KANK4: variants seen among roughly 807,000 people sequenced by gnomAD.
KANK4 encodes the protein KN motif and ankyrin repeat domains 4, also known as KN motif and ankyrin repeat domain-containing protein 4.
Under a neutral mutation model 80.8 loss-of-function variants are expected in KANK4, and 50 were observed. The observed-to-expected ratio is 0.62, with a 90% confidence interval of 0.49 to 0.78. KANK4 has a LOEUF of 0.78. Ranked by LOEUF, KANK4 falls within the 30% of genes least tolerant of loss-of-function variation. The pLI, the probability that KANK4 is intolerant of heterozygous loss-of-function variation, is 0.00. For missense variants in KANK4, 1,196 were observed against 1,240.1 expected (o/e 0.96, Z 0.53); for synonymous variants, 465 against 506.9 (o/e 0.92, Z 1.11).
At position 62,273,710 on chromosome 1, in the gene KANK4, T is replaced by C. The variant is rs1557488722; in HGVS notation, c.1394A>G (p.Asn465Ser). 2 of 1,614,118 alleles carry C rather than the reference T, an allele frequency of 1.2e-6. No individual in the cohort carries two copies. Among genetic ancestry groups the C allele is most frequent in the Non-Finnish European group, 1.7e-6 (2 of 1,180,004 alleles). ...AAGCACACGTTCTGCTGGGCTCTGA[T>C]TCCCTTGTTTATGACCATCTGGCCC... is the stretch of plus-strand genomic sequence containing the variant. ...LWGPDGHKQGNQSPAERVLLP... is the reference protein window; with the variant it reads ...LWGPDGHKQGSQSPAERVLLP... Residue 465 changes from asparagine to serine, a missense_variant, in exon 3 of 10, where the codon AAT (asparagine) becomes AGT (serine). Transcript: ENST00000371153.
chr1:62,247,719 A>C (rs775028931), intron 8 of KANK4, 47 bp from the exon 9 acceptor site: 115 of 1,535,670 alleles, frequency 7.5e-5, no homozygotes, highest in Non-Finnish European at 1.0e-4. Flanking sequence ...GCCAGTGGGG[A>C]AGGACCCCCT....
chr1:62,247,486 T>C lies in KANK4; in HGVS notation c.2869A>G (p.Ser957Gly). ...GTAAGTCTCACCTTGTCAGTCAGGC[T>C]GCTGTCGCAGGCTGGGTGTGCCAGG... ...LLLAHPACDSSLTDKAGRTAL... is the reference protein window; with the variant it reads ...LLLAHPACDSGLTDKAGRTAL... Residue 957 changes from serine to glycine, a missense_variant, in exon 9 of 10, where the codon AGC (serine) becomes GGC (glycine). Physicochemically the swap from Ser to Gly is moderately conservative, Grantham distance 56. Around this residue, in one of 3 missense-constraint regions of KANK4, gnomAD observed 1,154 missense variants for 1,179.6 expected, o/e 0.98. Coordinates refer to ENST00000371153, the MANE Select transcript of KANK4 (RefSeq NM_181712.5). 1 of 1,613,976 alleles carries C rather than the reference T, an allele frequency of 6.2e-7. No homozygotes were observed. Among genetic ancestry groups the C allele is most frequent in the Non-Finnish European group, 8.5e-7 (1 of 1,180,010 alleles).
intron 1 of KANK4, among the ~76,000 whole-genome samples, chr1:62,303,088 G>C (rs1291700583): frequency 6.6e-6 from 1 of 152,126 alleles, no homozygotes; most frequent in East Asian, 1.9e-4. Context: ...AGCTGAGACT[G>C]AGGGCTGTGT....
At chr1:62,309,198 G>A (rs1220542610) in intron 1 of KANK4, among the ~76,000 whole-genome samples, 3 of 152,230 alleles carry the variant, frequency 2.0e-5, no homozygotes, top group African/African-American at 4.8e-5. Flanking sequence ...GGCATCTGGC[G>A]TGTCCTCACA....
At chr1:62,253,543 A>G (rs2666479) in intron 7 of KANK4, among the ~76,000 whole-genome samples, 110,541 of 151,022 alleles carry the variant, frequency 0.73, 40,668 homozygotes, top group East Asian at 0.85. Flanking sequence ...CTGAGTAGCC[A>G]GGATTACAGG....
intron 1 of KANK4, among the ~76,000 whole-genome samples, chr1:62,286,416 G>A (rs1260830624): frequency 1.3e-5 from 2 of 152,200 alleles, no homozygotes; most frequent in Admixed American, 6.5e-5. Flanking sequence ...AGGTGAGTGG[G>A]GTCAGAAACG....
intron 1 of KANK4, among the ~76,000 whole-genome samples, chr1:62,286,382 G>A (rs1449299080): frequency 6.6e-6 from 1 of 152,230 alleles, no homozygotes; most frequent in Non-Finnish European, 1.5e-5. Flanking sequence ...AGCAAATACT[G>A]ACTTCCTTTT....
At chr1:62,258,552 T>C (rs1204088337) in intron 7 of KANK4, among the ~76,000 whole-genome samples, 5 of 152,218 alleles carry the variant, frequency 3.3e-5, no homozygotes, top group Non-Finnish European at 4.4e-5. Context: ...GACTCAAAGC[T>C]GCTTAGCAGA....
At chr1:62,278,321 C>CTTTCTTTCTTTCTTTCT (rs1461586821) in intron 2 of KANK4, among the ~76,000 whole-genome samples, 1 of 12,114 alleles carries the variant, frequency 8.3e-5, no homozygotes, top group Non-Finnish European at 1.2e-4. Context: ...CATTTTCTTT[C>CTTTCTTTCTTTCTTTCT]TTCCTTCCTT....
chr1:62,268,011 T>C (rs995330646), intron 5 of KANK4, among the ~76,000 whole-genome samples: 2 of 152,124 alleles, frequency 1.3e-5, no homozygotes, highest in Non-Finnish European at 2.9e-5. Flanking sequence ...AAGTTGTGTA[T>C]ATAGGATAAT....
At chr1:62,262,136 A>G (rs1671900397) in intron 7 of KANK4, among the ~76,000 whole-genome samples, 1 of 152,220 alleles carries the variant, frequency 6.6e-6, no homozygotes, top group African/African-American at 2.4e-5. Flanking sequence ...CCTTTGTTAA[A>G]AAGTATCTTC....
intron 1 of KANK4, among the ~76,000 whole-genome samples, chr1:62,307,225 G>C (rs1451943452): frequency 6.6e-6 from 1 of 152,110 alleles, no homozygotes; most frequent in African/African-American, 2.4e-5. Flanking sequence ...GCTCACACCT[G>C]TAATCTCAGC....
intron 2 of KANK4, 33 bp from the exon 3 acceptor site, chr1:62,275,120 G>A: frequency 2.1e-6 from 3 of 1,432,776 alleles, no homozygotes; most frequent in Non-Finnish European, 2.9e-6. Flanking sequence ...AAAAAAAAAA[G>A]CACAAATTTA....
intron 1 of KANK4, among the ~76,000 whole-genome samples, chr1:62,296,988 G>A (rs888102767): frequency 3.3e-5 from 5 of 152,110 alleles, no homozygotes; most frequent in Non-Finnish European, 5.9e-5. Context: ...AGGCCGAGGC[G>A]GGTGGATCAC....
intron 1 of KANK4, among the ~76,000 whole-genome samples, chr1:62,313,559 T>C (rs2149174872): frequency 6.6e-6 from 1 of 152,324 alleles, no homozygotes; most frequent in Admixed American, 6.5e-5. Context: ...TTATTTTTTA[T>C]TTCAAATCAC....
intron 1 of KANK4, among the ~76,000 whole-genome samples, chr1:62,308,895 G>A (rs1050580913): frequency 3.9e-5 from 6 of 152,254 alleles, no homozygotes; most frequent in African/African-American, 1.2e-4. Flanking sequence ...GAGGAGCAGG[G>A]TCCCCCTGAC....
At chr1:62,251,872 G>A (rs1393432150) in intron 8 of KANK4, among the ~76,000 whole-genome samples, 1 of 152,034 alleles carries the variant, frequency 6.6e-6, no homozygotes, top group Non-Finnish European at 1.5e-5. Flanking sequence ...GGTGCCTGTA[G>A]TCCCAGCTAC....
chr1:62,241,026 G>T (rs1305498931), intron 9 of KANK4, among the ~76,000 whole-genome samples: 2 of 152,140 alleles, frequency 1.3e-5, no homozygotes, highest in African/African-American at 2.4e-5. Context: ...TGCTGTAAAG[G>T]GTTTGATGGG....
Position 62,273,255 on chromosome 1 carries a change from GGGCCGAGTAGGCCGACAGCAGCA to G in KANK4, c.1826_1848del (p.Leu609ProfsTer26). On this transcript the variant is annotated frameshift_variant, in exon 3 of 10. Coordinates refer to ENST00000371153, the MANE Select transcript of KANK4 (RefSeq NM_181712.5). LOFTEE classifies it high-confidence loss of function. ...GGTGGCTCCTTGGGTGGGTGAGCCT[GGGCCGAGTAGGCCGACAGCAGCA>G]GGTTGAGGGAGCTCAGCAGCTGGCT... The G allele has an allele frequency of 6.5e-7, 1 of 1,547,096 alleles. No homozygotes were observed. The highest frequency in any genetic ancestry group is 1.2e-5 in the South Asian group (1 of 80,604).
Sources: gnomAD v4.1 joint callset for allele counts (sites outside exome capture counted in the v4.1 genomes callset) on GRCh38, gnomAD v4.1.1 for gene constraint, gnomAD v4.1.1 regional missense constraint, MANE v1.5 for transcripts, NCBI Gene and HGNC (gene_info 2026-07-23, HGNC 2026-07-21) for gene names.